The following DOCK7 variants were observed in gnomAD, a reference collection of about 807,000 sequenced individuals.
DOCK7 encodes dedicator of cytokinesis 7, also known as dedicator of cytokinesis protein 7.
Under a neutral mutation model 271.0 loss-of-function variants are expected in DOCK7, and 138 were observed. That is an observed-to-expected ratio of 0.51 (90% confidence interval 0.44 to 0.59). The LOEUF is 0.59. Ranked by LOEUF, DOCK7 falls within the 20% of genes least tolerant of loss-of-function variation. DOCK7 has a pLI of 0.00. For synonymous variants in DOCK7, 823 were observed against 876.1 expected, an observed-to-expected ratio of 0.94 and a Z score of 1.07; for missense variants, 2,066 against 2,592.4, an observed-to-expected ratio of 0.80 and a Z score of 4.41.
chr1:62,568,566 A>G (rs1351369830), intron 18 of DOCK7, among the ~76,000 whole-genome samples: 2 of 145,124 alleles, frequency 1.4e-5, no homozygotes, highest in East Asian at 2.0e-4. Context: ...CAGCATTCCA[A>G]CGTGCTTGGA....
In DOCK7 at chr1:62,535,631, C is replaced by T. The variant is rs759185438; in HGVS notation, c.3473G>A (p.Ser1158Asn). 1.1e-5 allele frequency: 18 copies of T among 1,612,794 alleles called. No individual in the cohort carries two copies. The highest frequency in any genetic ancestry group is 1.7e-5 in the Admixed American group (1 of 59,860). ...TTGTACATTCGTAGAAAATCCAGAA[C>T]TCTGTTGGAAAGTGAGGCAGAACAA... ...SPSVSSATSQ[S>N]SGFSTNVQDQ... is the part of the protein sequence containing the mutation. Residue 1158 changes from serine (S) to asparagine (N), a missense_variant and splice_region_variant, in exon 29 of 50, where the codon AGT becomes AAT. This residue lies in a region of DOCK7 where 1,414 missense variants were observed against 1,670.4 expected (regional missense o/e 0.85). Coordinates refer to ENST00000635253, the MANE Select transcript of DOCK7 (RefSeq NM_001367561.1).
chr1:62,456,295 T>C (rs1220210060), intron 49 of DOCK7, among the ~76,000 whole-genome samples: 1 of 152,104 alleles, frequency 6.6e-6, no homozygotes, highest in Non-Finnish European at 1.5e-5. Flanking sequence ...AAAATTCAAA[T>C]GCTAAAGAAG....
rs1488663076 is a variant in DOCK7, at chr1:62,477,693, C to A, written c.5634+7G>T. Reference sequence around the variant, plus strand: ...GATGACATTTTATGAACCACCACAGCATTCACCTCCAATCTGTGAGATATC... The same window carrying A: ...GATGACATTTTATGAACCACCACAGAATTCACCTCCAATCTGTGAGATATC... On this transcript the variant is annotated splice_region_variant and intron_variant, in intron 44 of 49. Transcript: ENST00000635253. 6.3e-6 allele frequency: 10 copies of A among 1,593,932 alleles called. No homozygotes were observed. The highest frequency in any genetic ancestry group is 7.7e-6 in the Non-Finnish European group (9 of 1,172,886).
chr1:62,680,376 C>T (rs892822683), intron 1 of DOCK7, among the ~76,000 whole-genome samples: 4 of 152,150 alleles, frequency 2.6e-5, no homozygotes, highest in African/African-American at 9.7e-5. Flanking sequence ...ACACCTTATA[C>T]AAAACTGAAT....
intron 22 of DOCK7, among the ~76,000 whole-genome samples, chr1:62,547,829 C>T (rs1645760592): frequency 6.6e-6 from 1 of 152,042 alleles, no homozygotes; most frequent in Non-Finnish European, 1.5e-5. Flanking sequence ...GTAATAAAAG[C>T]CTGTTCAGGT....
chr1:62,616,542 T>C (rs1002242251), intron 14 of DOCK7, among the ~76,000 whole-genome samples: 2 of 151,762 alleles, frequency 1.3e-5, no homozygotes, highest in Admixed American at 6.6e-5. Context: ...TGTCCTAACA[T>C]TCCAAAAGAT....
intron 1 of DOCK7, among the ~76,000 whole-genome samples, chr1:62,681,098 C>T (rs368497197): frequency 5.9e-5 from 9 of 151,880 alleles, no homozygotes; most frequent in Admixed American, 6.6e-5. Flanking sequence ...ATGTTTACTG[C>T]GGCACTATTC....
intron 11 of DOCK7, chr1:62,627,794 T>C (rs1654131605): frequency 6.6e-6 from 1 of 152,172 alleles, no homozygotes; most frequent in Non-Finnish European, 1.5e-5. Flanking sequence ...ATTGTTAAAA[T>C]GGCAACAATC....
Position 62,654,122 on chromosome 1 carries a change from T to C in DOCK7, c.182A>G (p.Glu61Gly), listed in dbSNP as rs1397116852. ...LTEAVDPVDLEDYLITHPLAV... is the reference protein window; with the variant it reads ...LTEAVDPVDLGDYLITHPLAV... ...CAAAGGATGAGTAATGAGGTAATCT[T>C]CCAAATCCACTGGATCTACTGCTTC... The change falls in exon 3 of 50, where the codon GAA becomes GGA. Residue 61 changes from glutamate (E) to glycine (G), a missense_variant. Coordinates refer to ENST00000635253, the MANE Select transcript of DOCK7 (RefSeq NM_001367561.1). 6.2e-7 allele frequency: 1 copy of C among 1,613,718 alleles called. No homozygotes were observed. Among genetic ancestry groups the C allele is most frequent in the Non-Finnish European group, 8.5e-7 (1 of 1,179,874 alleles).
chr1:62,537,470 C>A (rs912596227), intron 28 of DOCK7, among the ~76,000 whole-genome samples: 6 of 151,892 alleles, frequency 4.0e-5, no homozygotes, highest in Non-Finnish European at 7.4e-5. Flanking sequence ...TCTGTAGTCC[C>A]AGCTACTCAG....
intron 12 of DOCK7, among the ~76,000 whole-genome samples, chr1:62,624,904 G>A (rs940375138): frequency 2.1e-4 from 32 of 152,042 alleles, no homozygotes; most frequent in African/African-American, 7.0e-4. Context: ...CCTGGGAGGC[G>A]GAGGTTGCAG....
intron 37 of DOCK7, among the ~76,000 whole-genome samples, chr1:62,500,791 G>T (rs538003775): frequency 2.0e-5 from 3 of 151,850 alleles, no homozygotes; most frequent in African/African-American, 7.3e-5. Flanking sequence ...GATTTTTCTC[G>T]TGCTTATTAT....
rs1312971431 is a variant in DOCK7, at chr1:62,625,372, T to C, written c.1312A>G (p.Asn438Asp). Reference sequence around the variant, plus strand: ...GATCGTCTGCCAACAATACTAGAATTCCTCCTCTCTGACCAAGACCCTTTT... The same window carrying C: ...GATCGTCTGCCAACAATACTAGAATCCCTCCTCTCTGACCAAGACCCTTTT... ...ERKGSWSERR[N>D]SSIVGRRSLE... is the part of the protein sequence containing the mutation. The change falls in exon 12 of 50, where the codon AAT becomes GAT. Residue 438 changes from asparagine (N) to aspartate (D), a missense_variant. Asn to Asp is a conservative substitution (Grantham distance 23, BLOSUM62 1). Transcript: ENST00000635253. 1 of 1,612,992 alleles carries C rather than the reference T, an allele frequency of 6.2e-7. No individual in the cohort carries two copies. The highest frequency in any genetic ancestry group is 2.2e-5 in the East Asian group (1 of 44,856).
intron 25 of DOCK7, among the ~76,000 whole-genome samples, chr1:62,541,213 C>A (rs1645519244): frequency 6.6e-6 from 1 of 151,788 alleles, no homozygotes; most frequent in Admixed American, 6.6e-5. Flanking sequence ...TAATTACAGT[C>A]CTGCTACCTA....
chr1:62,535,493 C>G lies in DOCK7; in HGVS notation c.3611G>C (p.Gly1204Ala), dbSNP rs1377900486. 1 of 1,612,998 alleles carries G rather than the reference C, an allele frequency of 6.2e-7. No individual in the cohort carries two copies. The highest frequency in any genetic ancestry group is 1.3e-5 in the African/African-American group (1 of 74,878). Residue 1204 changes from glycine to alanine, a missense_variant and splice_region_variant, in exon 29 of 50, where the codon GGA becomes GCA. Physicochemically the swap from Gly to Ala is moderately conservative, Grantham distance 60 (BLOSUM62 0). Transcript: ENST00000635253. ...LAVILDPDAE[G>A]LFGLHKKVIN... ...ACAAGGTAAAAACTAGTGTACTCACCCTTCAGCATCAGGGTCTAAAATGAC... is the reference window on the plus strand; with the variant it reads ...ACAAGGTAAAAACTAGTGTACTCACGCTTCAGCATCAGGGTCTAAAATGAC...
intron 35 of DOCK7, 75 bp from the exon 36 acceptor site, chr1:62,505,891 G>A: frequency 7.0e-7 from 1 of 1,435,010 alleles, no homozygotes; most frequent in Non-Finnish European, 9.4e-7. Context: ...GCCTCCCTAT[G>A]TATAAATAAA....
intron 1 of DOCK7, among the ~76,000 whole-genome samples, chr1:62,680,073 T>C (rs894027031): frequency 1.3e-5 from 2 of 152,218 alleles, no homozygotes; most frequent in African/African-American, 2.4e-5. Flanking sequence ...AGGGCCCACA[T>C]TGCCAAGTCA....
chr1:62,665,033 C>A (rs979549787), intron 1 of DOCK7, among the ~76,000 whole-genome samples: 6 of 152,176 alleles, frequency 3.9e-5, no homozygotes, highest in African/African-American at 1.4e-4. Flanking sequence ...GTTGCCCATG[C>A]TGGAGTGCAG....
chr1:62,476,627 G>C (rs1029783813), intron 44 of DOCK7, among the ~76,000 whole-genome samples: 1 of 151,964 alleles, frequency 6.6e-6, no homozygotes, highest in Non-Finnish European at 1.5e-5. Flanking sequence ...TAAAAGCATT[G>C]ACCTGTTGCA....
Sources: gnomAD v4.1 joint callset for allele counts (sites outside exome capture counted in the v4.1 genomes callset) on GRCh38, gnomAD v4.1.1 for gene constraint, gnomAD v4.1.1 regional missense constraint, MANE v1.5 for transcripts, NCBI Gene and HGNC (gene_info 2026-07-23, HGNC 2026-07-21) for gene names.